CPXM2: variants seen among roughly 807,000 people sequenced by gnomAD.
CPXM2 encodes the protein inactive carboxypeptidase-like protein X2.
A neutral mutation model predicts 86.1 loss-of-function variants in CPXM2; 66 were observed. The ratio of observed to expected loss-of-function variants is 0.77; its 90% CI spans 0.63 to 0.94. The LOEUF (loss-of-function observed/expected upper bound fraction) is 0.94. Ranked by LOEUF, CPXM2 falls within the 40% of genes least tolerant of loss-of-function variation. The probability of loss-of-function intolerance (pLI) is 0.00; values close to 1 mark genes in which losing one functional copy is unlikely to be tolerated. For synonymous variants in CPXM2, 388 were observed against 400.2 expected (o/e 0.97, Z 0.36); for missense variants, 948 against 1,026.3 (o/e 0.92, Z 1.04).
At chr10:123,883,473 G>A (rs1945127979) in intron 1 of CPXM2, among the ~76,000 whole-genome samples, 1 of 152,236 alleles carries the variant, frequency 6.6e-6, no homozygotes, top group African/African-American at 2.4e-5. Flanking sequence ...TGCCACGGTG[G>A]AAGTTACCAG....
At chr10:123,777,517 G>GA (rs1846822250) in intron 7 of CPXM2, 1 of 135,872 alleles carries the variant, frequency 7.4e-6, no homozygotes, top group African/African-American at 2.8e-5. Context: ...ACAACTTCCA[G>GA]AAAGACAGCT....
At chr10:123,924,550 G>A (rs1402095756) in intron 2 of CPXM2, among the ~76,000 whole-genome samples, 2 of 152,188 alleles carry the variant, frequency 1.3e-5, no homozygotes, top group Non-Finnish European at 2.9e-5. Flanking sequence ...CTGTTCTCAC[G>A]GAGGTGGGGT....
At chr10:123,780,504 T>C (rs1228638573) in intron 6 of CPXM2, among the ~76,000 whole-genome samples, 1 of 152,232 alleles carries the variant, frequency 6.6e-6, no homozygotes, top group East Asian at 1.9e-4. Flanking sequence ...TATGAGTATG[T>C]AAGTGGGCAA....
At chr10:123,927,016 A>G (rs1945628409) in intron 2 of CPXM2, among the ~76,000 whole-genome samples, 1 of 151,994 alleles carries the variant, frequency 6.6e-6, no homozygotes, top group African/African-American at 2.4e-5. Context: ...GGACATAGGA[A>G]CCCAGTAAGT....
At chr10:123,939,895 G>A (rs935802101) in intron 1 of CPXM2, among the ~76,000 whole-genome samples, 4 of 152,298 alleles carry the variant, frequency 2.6e-5, no homozygotes, top group Non-Finnish European at 2.9e-5. Context: ...GAAGGCCCAC[G>A]AGACCACATT....
intron 2 of CPXM2, among the ~76,000 whole-genome samples, chr10:123,908,528 G>A (rs1397414236): frequency 1.3e-5 from 2 of 152,158 alleles, no homozygotes; most frequent in African/African-American, 2.4e-5. Flanking sequence ...GCCTAGTAGG[G>A]AGACAGACAT....
chr10:123,886,696 C>A (rs1210721439), intron 1 of CPXM2, among the ~76,000 whole-genome samples: 1 of 152,176 alleles, frequency 6.6e-6, no homozygotes, highest in East Asian at 1.9e-4. Flanking sequence ...GACTACATAT[C>A]CAAGCCTACT....
intron 1 of CPXM2, among the ~76,000 whole-genome samples, chr10:123,883,017 T>C (rs1385233330): frequency 6.9e-6 from 1 of 145,918 alleles, no homozygotes; most frequent in African/African-American, 2.6e-5. Flanking sequence ...CGCAATACCA[T>C]GGCTTGGGCA....
At chr10:123,752,966 G>A (rs182972232) in intron 13 of CPXM2, among the ~76,000 whole-genome samples, 20 of 152,292 alleles carry the variant, frequency 1.3e-4, no homozygotes, top group Middle Eastern at 3.4e-3. Context: ...TACGTGGTGT[G>A]TTAGAAGGGA....
At chr10:123,836,132 C>T (rs1848275028) in intron 4 of CPXM2, among the ~76,000 whole-genome samples, 1 of 152,096 alleles carries the variant, frequency 6.6e-6, no homozygotes, top group African/African-American at 2.4e-5. Context: ...GAGATCCCCG[C>T]AACGGGGATG....
At chr10:123,763,764 T>C (rs1406655084) in intron 10 of CPXM2, among the ~76,000 whole-genome samples, 6 of 152,188 alleles carry the variant, frequency 3.9e-5, no homozygotes, top group Non-Finnish European at 8.8e-5. Flanking sequence ...TCTTTTGCTA[T>C]AACGAACAGT....
At chr10:123,882,532 T>A (rs1443659337) in intron 1 of CPXM2, among the ~76,000 whole-genome samples, 4 of 152,090 alleles carry the variant, frequency 2.6e-5, no homozygotes, top group African/African-American at 9.7e-5. Context: ...TAAGATGTTT[T>A]AAGAAAAGGA....
chr10:123,854,333 A>G (rs1342031109), intron 3 of CPXM2, among the ~76,000 whole-genome samples: 1 of 135,220 alleles, frequency 7.4e-6, no homozygotes, highest in Non-Finnish European at 1.5e-5. Flanking sequence ...CCCAAGAGCT[A>G]GTGAACAAAT....
chr10:123,840,320 A>G (rs1848361616), intron 4 of CPXM2, among the ~76,000 whole-genome samples: 1 of 152,380 alleles, frequency 6.6e-6, no homozygotes, highest in South Asian at 2.1e-4. Flanking sequence ...CAGCATGTAC[A>G]TACACAAAAG....
rs577138795 is a variant in CPXM2, at chr10:123,807,168, T to C, written c.654-7969A>G. Reference sequence around the variant, plus strand: ...AGAAATTATACACTGTCAGATGCCATACCAACATACAGGATTACTATTAAA... The same window carrying C: ...AGAAATTATACACTGTCAGATGCCACACCAACATACAGGATTACTATTAAA... On this transcript the variant is annotated intron_variant, in intron 4 of 13. Transcript: ENST00000241305. Among the ~76,000 whole-genome samples the C allele has an allele frequency of 1.4e-4, 22 of 152,286 alleles. No individual in the cohort carries two copies. The South Asian group carries it at 4.1e-3, about 29-fold the overall frequency.
At chr10:123,912,522 G>A (rs558893477) in intron 2 of CPXM2, among the ~76,000 whole-genome samples, 86 of 152,348 alleles carry the variant, frequency 5.6e-4, no homozygotes, top group African/African-American at 1.9e-3. Flanking sequence ...ACATTGCACC[G>A]GTGTGGAAAA....
upstream of CPXM2, among the ~76,000 whole-genome samples, chr10:123,941,396 C>T (rs765836339): frequency 3.3e-5 from 5 of 152,134 alleles, no homozygotes; most frequent in African/African-American, 4.8e-5. Flanking sequence ...TCTGTTGTCA[C>T]GTGGCCTCCG....
At chr10:123,847,500 T>C (rs1366620940) in intron 3 of CPXM2, among the ~76,000 whole-genome samples, 2 of 151,720 alleles carry the variant, frequency 1.3e-5, no homozygotes, top group East Asian at 3.9e-4. Flanking sequence ...CACTCTAGCC[T>C]GGGCAACAGG....
At chr10:123,874,364 C>A (rs375370076) in intron 2 of CPXM2, among the ~76,000 whole-genome samples, 2 of 149,000 alleles carry the variant, frequency 1.3e-5, no homozygotes, top group African/African-American at 4.8e-5. Context: ...GATCTAATCA[C>A]CACCCCCCGC....
Sources: allele counts gnomAD v4.1 joint callset (sites outside exome capture counted in the v4.1 genomes callset), GRCh38; gene constraint gnomAD v4.1.1; transcripts MANE v1.5; gene names NCBI Gene and HGNC (gene_info 2026-07-23, HGNC 2026-07-21).